Variants in ANO10 observed in about 807,000 individuals in gnomAD.
ANO10 encodes the protein anoctamin-10.
A neutral mutation model predicts 74.7 loss-of-function variants in ANO10; 77 were observed. The observed-to-expected ratio is 1.03, with a 90% CI of 0.86 to 1.25. ANO10 has a LOEUF of 1.25. ANO10 is among the 50% of genes most tolerant of loss of function. The pLI is 0.00. For synonymous variants in ANO10, 279 were observed against 284.9 expected (o/e 0.98, Z 0.21); for missense variants, 721 against 778.1 (o/e 0.93, Z 0.87).
chr3:43,659,225 T>C (rs2083892012), intron 1 of ANO10, among the ~76,000 whole-genome samples: 1 of 152,128 alleles, frequency 6.6e-6, no homozygotes, highest in Admixed American at 6.5e-5. Flanking sequence ...GTGCAGCCCA[T>C]GGAGGGTGAG....
chr3:43,487,730 T>A (rs906649535), intron 11 of ANO10, among the ~76,000 whole-genome samples: 10 of 152,292 alleles, frequency 6.6e-5, no homozygotes, highest in Non-Finnish European at 1.3e-4. Flanking sequence ...GGTCTATCAA[T>A]TTTGTTGATC....
intron 12 of ANO10, among the ~76,000 whole-genome samples, chr3:43,403,440 G>C (rs1395191988): frequency 6.6e-6 from 1 of 152,236 alleles, no homozygotes; most frequent in Non-Finnish European, 1.5e-5. Context: ...ATGAGGAGCT[G>C]GGGGGCTGGG....
At chr3:43,482,595 C>T (rs1189715266) in intron 11 of ANO10, among the ~76,000 whole-genome samples, 1 of 152,150 alleles carries the variant, frequency 6.6e-6, no homozygotes, top group Non-Finnish European at 1.5e-5. Flanking sequence ...TCAAAGATGG[C>T]CAGGCATGAC....
chr3:43,555,199 A>AC lies in ANO10; in HGVS notation c.1668+78dup, dbSNP rs1361581353. 29 of 1,439,210 alleles carry AC rather than the reference A, an allele frequency of 2.0e-5. No homozygotes were observed. The East Asian group carries it at 6.8e-4, about 34-fold the overall frequency. The allele number at this position is 1,439,210 out of a possible 1,614,324, so 89.2% of individuals were successfully genotyped here. A position where few individuals can be genotyped will look rare whatever the true frequency, so the allele number is the denominator to read the frequency against. On this transcript the variant is annotated intron_variant, in intron 10 of 12. Coordinates refer to ENST00000292246, the MANE Select transcript of ANO10 (RefSeq NM_018075.5). ...TTTCCTAAATCTCTCTGTAGGGCTT[A>AC]CTTTTTAATTTTTTTTCCCTGTCAT...
chr3:43,458,150 G>T (rs1317931135), intron 11 of ANO10, among the ~76,000 whole-genome samples: 1 of 152,156 alleles, frequency 6.6e-6, no homozygotes, highest in Non-Finnish European at 1.5e-5. Context: ...TCCCCACTGT[G>T]CTATATATAA....
intron 12 of ANO10, among the ~76,000 whole-genome samples, chr3:43,401,300 C>A (rs1231914471): frequency 6.6e-6 from 1 of 152,186 alleles, no homozygotes; most frequent in African/African-American, 2.4e-5. Flanking sequence ...CAAAGGAGAA[C>A]ACAGTTCATT....
rs1210934512 is a variant in ANO10 at position 43,399,468 on chromosome 3, T to C, written c.1915-32494A>G. 2.0e-5 allele frequency among the ~76,000 whole-genome samples: 3 copies of C among 152,200 alleles called. No individual in the cohort carries two copies. In the East Asian group the frequency reaches 5.8e-4, roughly 29 times the overall value. On this transcript the variant is annotated intron_variant, in intron 12 of 12. Transcript: ENST00000292246. ...TCATTATGGTGTCTGTCTGTCTCTA[T>C]TGGGGCTCTTCAAATATCTCATGAT...
At chr3:43,518,819 T>A (rs2077823063) in intron 11 of ANO10, among the ~76,000 whole-genome samples, 1 of 152,286 alleles carries the variant, frequency 6.6e-6, no homozygotes, top group Admixed American at 6.5e-5. Context: ...TGTCTCCTGA[T>A]AAGATGCTAT....
At chr3:43,633,159 AGAAAT>A (rs1225397859) in intron 1 of ANO10, among the ~76,000 whole-genome samples, 2 of 152,234 alleles carry the variant, frequency 1.3e-5, no homozygotes, top group Admixed American at 6.5e-5. Context: ...CCCCCCGGAA[AGAAAT>A]ATTAGGTTGG....
intron 11 of ANO10, among the ~76,000 whole-genome samples, chr3:43,489,944 G>A (rs1204781323): frequency 6.6e-6 from 1 of 152,058 alleles, no homozygotes; most frequent in Non-Finnish European, 1.5e-5. Flanking sequence ...CACTGAAGAA[G>A]TATTCTGTTA....
intron 11 of ANO10, among the ~76,000 whole-genome samples, chr3:43,450,411 G>C (rs912330159): frequency 6.6e-6 from 1 of 151,984 alleles, no homozygotes; most frequent in Non-Finnish European, 1.5e-5. Context: ...CATGGTGGCG[G>C]ACACCTGTAA....
chr3:43,647,731 T>C (rs767125536), intron 1 of ANO10, among the ~76,000 whole-genome samples: 25 of 152,192 alleles, frequency 1.6e-4, no homozygotes, highest in Non-Finnish European at 3.2e-4. Flanking sequence ...CATATCCCCA[T>C]GGGCTCTGGA....
In ANO10 at chr3:43,513,611, C is replaced by T. The variant is rs551224013; in HGVS notation, c.1797+36109G>A. On this transcript the variant is annotated intron_variant, in intron 11 of 12. Transcript: ENST00000292246. ...TGCAAGCTCCACCTCCAAGGGTTCA[C>T]GCCATTCTCCTGCCTCAGCCTCCTG... Among the ~76,000 whole-genome samples, 8 of 152,248 alleles carry T rather than the reference C, an allele frequency of 5.3e-5. No homozygotes were observed. The East Asian group carries it at 1.2e-3, about 22-fold the overall frequency.
chr3:43,480,440 G>T (rs1205751470), intron 11 of ANO10, among the ~76,000 whole-genome samples: 2 of 152,220 alleles, frequency 1.3e-5, no homozygotes, highest in East Asian at 3.8e-4. Flanking sequence ...AAAGCTTCCA[G>T]AGAGAATGAA....
intron 12 of ANO10, among the ~76,000 whole-genome samples, chr3:43,429,367 A>C (rs920884832): frequency 6.6e-6 from 1 of 152,186 alleles, no homozygotes; most frequent in African/African-American, 2.4e-5. Flanking sequence ...TTAAAAAAGC[A>C]AATTCATGGA....
In ANO10 at chr3:43,366,131, T is replaced by G. The variant is rs887461977; in HGVS notation, c.*775A>C. The G allele has an allele frequency of 1.3e-5, 2 of 152,886 alleles. No individual in the cohort carries two copies. The highest frequency in any genetic ancestry group is 2.4e-5 in the African/African-American group (1 of 41,458). The allele number at this position is 152,886 out of a possible 1,614,324, so 9.5% of individuals were successfully genotyped here. A position where few individuals can be genotyped will look rare whatever the true frequency, so the allele number is the denominator to read the frequency against. The stretch of plus-strand genomic sequence containing the variant: ...CTTGGCACCATGGGTACACCCTGCA[T>G]GTGAAAGCAGCCCTAGTGTCCCTGT... On this transcript the variant is annotated 3_prime_UTR_variant, in exon 13 of 13. Coordinates refer to ENST00000292246, the MANE Select transcript of ANO10 (RefSeq NM_018075.5).
At chr3:43,494,653 G>A (rs1420811031) in intron 11 of ANO10, among the ~76,000 whole-genome samples, 1 of 152,066 alleles carries the variant, frequency 6.6e-6, no homozygotes, top group Non-Finnish European at 1.5e-5. Flanking sequence ...AGTTAAAAAT[G>A]AAGATTGATT....
chr3:43,471,814 T>C (rs1243082485), intron 11 of ANO10, among the ~76,000 whole-genome samples: 2 of 151,908 alleles, frequency 1.3e-5, no homozygotes, highest in African/African-American at 2.4e-5. Flanking sequence ...CAAAACATCA[T>C]AGGAAACAAT....
intron 12 of ANO10, among the ~76,000 whole-genome samples, chr3:43,371,757 G>C (rs968811629): frequency 6.6e-6 from 1 of 152,204 alleles, no homozygotes; most frequent in Non-Finnish European, 1.5e-5. Flanking sequence ...AGCTTATTGA[G>C]GACATGCAGC....
Sources: allele counts gnomAD v4.1 joint callset (sites outside exome capture counted in the v4.1 genomes callset), GRCh38; gene constraint gnomAD v4.1.1; transcripts MANE v1.5; gene names NCBI Gene and HGNC (gene_info 2026-07-23, HGNC 2026-07-21).